CACNA2D3: variants seen among roughly 807,000 people sequenced by gnomAD.
The protein encoded by CACNA2D3 is calcium voltage-gated channel auxiliary subunit alpha2delta 3, also known as voltage-dependent calcium channel subunit alpha-2/delta-3.
Under a neutral mutation model 160.6 loss-of-function variants are expected in CACNA2D3, and 60 were observed. The observed-to-expected ratio is 0.37, with a 90% CI of 0.30 to 0.46. The LOEUF is 0.46. Ranked by LOEUF, CACNA2D3 falls within the 20% of genes least tolerant of loss-of-function variation. CACNA2D3 has a pLI of 1.00. For missense variants in CACNA2D3, 1,205 were observed against 1,365.0 expected (o/e 0.88, Z 1.85); for synonymous variants, 558 against 492.9 (o/e 1.13, Z -1.75).
At chr3:54,705,154 C>A (rs1273576690) in intron 11 of CACNA2D3, among the ~76,000 whole-genome samples, 1 of 152,144 alleles carries the variant, frequency 6.6e-6, no homozygotes, top group South Asian at 2.1e-4. Context: ...GTACTGAATA[C>A]CCACTATCTG....
intron 11 of CACNA2D3, among the ~76,000 whole-genome samples, chr3:54,711,206 G>A (rs1436010840): frequency 6.6e-6 from 1 of 152,170 alleles, no homozygotes; most frequent in East Asian, 1.9e-4. Flanking sequence ...AATAGCCACT[G>A]TTCACTGGGT....
intron 2 of CACNA2D3, among the ~76,000 whole-genome samples, chr3:54,307,331 A>C (rs1450779304): frequency 6.6e-6 from 1 of 152,120 alleles, no homozygotes; most frequent in Non-Finnish European, 1.5e-5. Flanking sequence ...GAATACCCTC[A>C]TTTTTAGTAC....
At chr3:54,281,596 C>A (rs554251969) in intron 2 of CACNA2D3, among the ~76,000 whole-genome samples, 1 of 152,130 alleles carries the variant, frequency 6.6e-6, no homozygotes, top group Admixed American at 6.5e-5. Context: ...ACCATGGTCA[C>A]GTGGAACACC....
intron 2 of CACNA2D3, among the ~76,000 whole-genome samples, chr3:54,234,091 G>A (rs1701828883): frequency 6.6e-6 from 1 of 152,086 alleles, no homozygotes. Context: ...CAGAATAGGA[G>A]AAAATATTTA....
At chr3:54,960,965 G>C (rs1187911306) in intron 27 of CACNA2D3, among the ~76,000 whole-genome samples, 1 of 152,198 alleles carries the variant, frequency 6.6e-6, no homozygotes, top group East Asian at 1.9e-4. Context: ...TGATGCTCCA[G>C]AACAGTGCCC....
At chr3:54,862,347 C>T (rs1466645471) in intron 17 of CACNA2D3, among the ~76,000 whole-genome samples, 1 of 151,220 alleles carries the variant, frequency 6.6e-6, no homozygotes, top group Non-Finnish European at 1.5e-5. Context: ...CAAAATAAAG[C>T]TATTAAACCA....
At chr3:54,814,676 G>A (rs1323480863) in intron 13 of CACNA2D3, among the ~76,000 whole-genome samples, 1 of 152,224 alleles carries the variant, frequency 6.6e-6, no homozygotes, top group Non-Finnish European at 1.5e-5. Flanking sequence ...TATATGTTTT[G>A]TGGGGAGGAT....
Position 54,752,368 on chromosome 3 carries a change from T to G in CACNA2D3, c.1168-231T>G, listed in dbSNP as rs151311172. Among the ~76,000 whole-genome samples the G allele has an allele frequency of 3.3e-5, 5 of 152,296 alleles. No individual in the cohort carries two copies. In the East Asian group the frequency reaches 9.6e-4, roughly 29 times the overall value. On this transcript the variant is annotated intron_variant, in intron 11 of 37. Coordinates refer to ENST00000474759, the MANE Select transcript of CACNA2D3 (RefSeq NM_018398.3). Reference sequence around the variant, plus strand: ...CCCAGTTATTCTCTTCTGTTTTGACTTGCGCACCAAAAAACAACCACCACC... The same window carrying G: ...CCCAGTTATTCTCTTCTGTTTTGACGTGCGCACCAAAAAACAACCACCACC...
At chr3:54,351,005 T>TTTTTTTTTTTTTTTTTTTTTTTTA (rs1211846524) in intron 3 of CACNA2D3, among the ~76,000 whole-genome samples, 1 of 132,046 alleles carries the variant, frequency 7.6e-6, no homozygotes, top group Non-Finnish European at 1.6e-5. Context: ...TTTTTTTTTT[T>TTTTTTTTTTTTTTTTTTTTTTTTA]TGAGACAGAG....
chr3:54,207,924 A>G (rs1404796388), intron 2 of CACNA2D3, among the ~76,000 whole-genome samples: 1 of 152,170 alleles, frequency 6.6e-6, no homozygotes, highest in Non-Finnish European at 1.5e-5. Flanking sequence ...CAGCTGGCTG[A>G]GTGACTGCCT....
chr3:54,867,332 C>T lies in CACNA2D3; in HGVS notation c.1627-4207C>T, dbSNP rs541099487. On this transcript the variant is annotated intron_variant, in intron 17 of 37. Coordinates refer to ENST00000474759, the MANE Select transcript of CACNA2D3 (RefSeq NM_018398.3). ...GAAATCAACTGTGCCCAGACGCAAT[C>T]GTGTATCTTGGAAAACAGTGAGGCA... 6.7e-4 allele frequency among the ~76,000 whole-genome samples: 102 copies of T among 152,114 alleles called. 1 individual carries two copies. In the South Asian group the frequency reaches 0.013, roughly 20 times the overall value.
intron 4 of CACNA2D3, among the ~76,000 whole-genome samples, chr3:54,439,836 C>T (rs9831972): frequency 3.4e-4 from 52 of 152,244 alleles, no homozygotes; most frequent in African/African-American, 1.1e-3. Flanking sequence ...CCTTCCATCC[C>T]GTCTGCCCTC....
At chr3:54,542,024 T>C (rs949418703) in intron 5 of CACNA2D3, among the ~76,000 whole-genome samples, 1 of 151,772 alleles carries the variant, frequency 6.6e-6, no homozygotes, top group Non-Finnish European at 1.5e-5. Flanking sequence ...ACAGAACTAA[T>C]ATGATATATG....
intron 2 of CACNA2D3, among the ~76,000 whole-genome samples, chr3:54,310,905 A>G (rs60921965): frequency 0.15 from 22,303 of 152,162 alleles, 1,760 homozygotes; most frequent in East Asian, 0.26. Context: ...AGGCTGATCA[A>G]CTTGTTACGT....
intron 31 of CACNA2D3, among the ~76,000 whole-genome samples, chr3:54,994,871 C>CATAGTTGGAGCAG (rs1702821803): frequency 1.3e-5 from 2 of 152,182 alleles, no homozygotes; most frequent in Non-Finnish European, 2.9e-5. Flanking sequence ...ATGTCTTCTC[C>CATAGTTGGAGCAG]ATAGTTGGAG....
At chr3:54,285,428 C>T (rs918649254) in intron 2 of CACNA2D3, among the ~76,000 whole-genome samples, 12 of 152,174 alleles carry the variant, frequency 7.9e-5, no homozygotes, top group African/African-American at 1.7e-4. Flanking sequence ...ACAAAACAGC[C>T]GGGAAGCTCG....
At chr3:54,787,759 C>A (rs942301303) in intron 13 of CACNA2D3, among the ~76,000 whole-genome samples, 2 of 152,122 alleles carry the variant, frequency 1.3e-5, no homozygotes, top group African/African-American at 2.4e-5. Flanking sequence ...GTTTGCTATG[C>A]AGACGAAAGT....
intron 11 of CACNA2D3, among the ~76,000 whole-genome samples, chr3:54,674,066 A>G (rs750582836): frequency 6.6e-6 from 1 of 152,246 alleles, no homozygotes; most frequent in African/African-American, 2.4e-5. Context: ...TAATAGTAAT[A>G]GATAACTTTT....
At chr3:54,682,540 C>T (rs1010165279) in intron 11 of CACNA2D3, among the ~76,000 whole-genome samples, 3 of 151,992 alleles carry the variant, frequency 2.0e-5, no homozygotes, top group African/African-American at 7.3e-5. Flanking sequence ...GCACAAGAAT[C>T]GCTTGAGCTG....
Sources: gnomAD v4.1 joint callset for allele counts (sites outside exome capture counted in the v4.1 genomes callset) on GRCh38, gnomAD v4.1.1 for gene constraint, MANE v1.5 for transcripts, NCBI Gene and HGNC (gene_info 2026-07-23, HGNC 2026-07-21) for gene names.